IRAK1BP1: variants seen among roughly 807,000 people sequenced by gnomAD.
IRAK1BP1 encodes the protein interleukin 1 receptor associated kinase 1 binding protein 1.
A neutral mutation model predicts 28.0 loss-of-function variants in IRAK1BP1; 24 were observed. That is an observed-to-expected ratio of 0.86 (90% CI 0.62 to 1.20). The LOEUF (loss-of-function observed/expected upper bound fraction) is 1.20, where lower values mean the gene tolerates loss of function less well. IRAK1BP1 is among the 50% of genes most tolerant of loss of function. The pLI is 0.00. For missense variants in IRAK1BP1, 336 were observed against 316.7 expected (o/e 1.06, Z -0.46); for synonymous variants, 131 against 116.3 (o/e 1.13, Z -0.81).
intron 4 of IRAK1BP1, among the ~76,000 whole-genome samples, chr6:78,925,074 A>T (rs1001436339): frequency 6.6e-6 from 1 of 152,174 alleles, no homozygotes; most frequent in Non-Finnish European, 1.5e-5. Context: ...GCAAGGAGAA[A>T]AAACCAAACA....
At chr6:78,916,987 C>T (rs1469729634) in intron 4 of IRAK1BP1, among the ~76,000 whole-genome samples, 1 of 151,888 alleles carries the variant, frequency 6.6e-6, no homozygotes, top group Non-Finnish European at 1.5e-5. Context: ...GAGAAGAAAC[C>T]AGTGCAAGAA....
downstream of IRAK1BP1, chr6:78,947,733 C>T (rs202187736): frequency 3.2e-5 from 52 of 1,606,400 alleles, no homozygotes; most frequent in Middle Eastern, 3.3e-4. Flanking sequence ...GTTTCTCTAA[C>T]GGTAGCAAAA....
intron 4 of IRAK1BP1, among the ~76,000 whole-genome samples, chr6:78,943,465 C>T (rs1449007633): frequency 6.6e-6 from 1 of 152,112 alleles, no homozygotes; most frequent in Non-Finnish European, 1.5e-5. Flanking sequence ...ACTATTCAAA[C>T]TCTAAATTCA....
the IRAK1BP1 span, among the ~76,000 whole-genome samples, chr6:78,977,999 G>A: frequency 1.2e-4 from 18 of 152,124 alleles, no homozygotes; most frequent in East Asian, 3.5e-3. Flanking sequence ...CTTAAAATTT[G>A]TGTACAAAAC....
intron 1 of IRAK1BP1, among the ~76,000 whole-genome samples, chr6:78,883,924 A>G (rs1308528375): frequency 6.6e-6 from 1 of 152,106 alleles, no homozygotes; most frequent in Non-Finnish European, 1.5e-5. Flanking sequence ...GCAGAAAAAA[A>G]TGTTATATAT....
chr6:78,881,334 G>A (rs533485391), intron 1 of IRAK1BP1, among the ~76,000 whole-genome samples: 1 of 152,258 alleles, frequency 6.6e-6, no homozygotes, highest in South Asian at 2.1e-4. Flanking sequence ...TATGGGGAAC[G>A]AAAACAGATT....
At chr6:78,944,493 T>C (rs974218462) in intron 4 of IRAK1BP1, among the ~76,000 whole-genome samples, 13 of 152,156 alleles carry the variant, frequency 8.5e-5, no homozygotes, top group Admixed American at 7.9e-4. Flanking sequence ...AATAATGTCA[T>C]GGAGGTGAGA....
chr6:78,885,450 A>AT lies in IRAK1BP1; in HGVS notation c.381+7_381+8insT, dbSNP rs146020132. 2.7e-4 allele frequency: 373 copies of AT among 1,385,936 alleles called. 2 individuals are homozygous for AT. Among genetic ancestry groups the AT allele is most frequent in the Non-Finnish European group, 2.5e-4 (246 of 995,070 alleles). 85.9% of individuals were successfully genotyped at this position (1,385,936 alleles called of 1,614,324 possible). Reference sequence around the variant, plus strand: ...TTATCACATGGAAGCAGAGGTATGTACTTAACAAATAATTGGAAGCAGCAT... The same window carrying AT: ...TTATCACATGGAAGCAGAGGTATGTATCTTAACAAATAATTGGAAGCAGCAT... On this transcript the variant is annotated splice_region_variant and intron_variant, in intron 2 of 3. Coordinates refer to ENST00000369940, the MANE Select transcript of IRAK1BP1 (RefSeq NM_001010844.4).
At chr6:78,875,893 G>C (rs1770986055) in intron 1 of IRAK1BP1, among the ~76,000 whole-genome samples, 1 of 152,110 alleles carries the variant, frequency 6.6e-6, no homozygotes. Context: ...ATATTGAATA[G>C]ATGAGATGTT....
chr6:78,869,003 A>G (rs1770696422), intron 1 of IRAK1BP1, among the ~76,000 whole-genome samples: 1 of 152,240 alleles, frequency 6.6e-6, no homozygotes, highest in Non-Finnish European at 1.5e-5. Flanking sequence ...CATTTATAAT[A>G]CAAACATACA....
chr6:78,963,085 T>C, the IRAK1BP1 span: 1 of 1,571,276 alleles, frequency 6.4e-7, no homozygotes, highest in Non-Finnish European at 8.6e-7. Flanking sequence ...ACTCGCGTGT[T>C]GCTTTACTTA....
At chr6:78,920,742 A>G (rs1362627860) in intron 4 of IRAK1BP1, among the ~76,000 whole-genome samples, 27 of 152,200 alleles carry the variant, frequency 1.8e-4, no homozygotes. Context: ...ATTTCATGAC[A>G]AAGACTCCAA....
chr6:78,911,409 C>T (rs915313667), intron 4 of IRAK1BP1, among the ~76,000 whole-genome samples: 8 of 152,176 alleles, frequency 5.3e-5, no homozygotes, highest in Non-Finnish European at 1.2e-4. Flanking sequence ...TTCTCTCCTG[C>T]TCCAGGGGAA....
At chr6:78,977,072 C>G in the IRAK1BP1 span, among the ~76,000 whole-genome samples, 14 of 136,780 alleles carry the variant, frequency 1.0e-4, no homozygotes, top group African/African-American at 3.9e-4. Context: ...AAGACACATG[C>G]ACACGTATGT....
chr6:78,968,118 G>A, the IRAK1BP1 span, among the ~76,000 whole-genome samples: 1 of 152,138 alleles, frequency 6.6e-6, no homozygotes, highest in Non-Finnish European at 1.5e-5. Context: ...CTGGGTGACA[G>A]AGCGAGACTC....
the IRAK1BP1 span, among the ~76,000 whole-genome samples, chr6:78,979,304 C>T: frequency 2.0e-5 from 3 of 152,114 alleles, no homozygotes; most frequent in African/African-American, 7.2e-5. Context: ...ATAGCCAACA[C>T]TCACAACAAG....
downstream of IRAK1BP1, among the ~76,000 whole-genome samples, chr6:78,948,229 A>C (rs1773934966): frequency 6.6e-6 from 1 of 152,154 alleles, no homozygotes; most frequent in Middle Eastern, 3.2e-3. Flanking sequence ...CAGACACCTA[A>C]GTTCTAGTAA....
chr6:78,898,439 TA>T lies in IRAK1BP1; in HGVS notation c.*106del. On this transcript the variant is annotated 3_prime_UTR_variant, in exon 4 of 4. Coordinates refer to ENST00000369940, the MANE Select transcript of IRAK1BP1 (RefSeq NM_001010844.4). ...ATATATATATATATATATATATATATATATATGGTATAGGAGATAAGCTATT... is the reference window on the plus strand; with the variant it reads ...ATATATATATATATATATATATATATTATATGGTATAGGAGATAAGCTATT... 1 of 168,502 alleles carries T rather than the reference TA, an allele frequency of 5.9e-6. No homozygotes were observed. Among genetic ancestry groups the T allele is most frequent in the Non-Finnish European group, 1.2e-5 (1 of 86,154 alleles). The allele number at this position is 168,502 out of a possible 1,614,324, so 10.4% of individuals were successfully genotyped here.
chr6:78,955,229 T>C, the IRAK1BP1 span: 1 of 1,599,074 alleles, frequency 6.3e-7, no homozygotes, highest in Admixed American at 1.7e-5. Flanking sequence ...AAAACTATAT[T>C]ACCTTCCTTT....
Sources: allele counts gnomAD v4.1 joint callset (sites outside exome capture counted in the v4.1 genomes callset), GRCh38; gene constraint gnomAD v4.1.1; transcripts MANE v1.5; gene names NCBI Gene and HGNC (gene_info 2026-07-23, HGNC 2026-07-21).